The following SGK3 variants were observed in gnomAD, a reference collection of about 807,000 sequenced individuals.
SGK3 encodes the protein serine/threonine-protein kinase Sgk3.
In SGK3, 47 loss-of-function variants were observed where a neutral mutation model predicts 68.5. The observed-to-expected ratio is 0.69, with a 90% CI of 0.54 to 0.87. The LOEUF (loss-of-function observed/expected upper bound fraction) is 0.87. Among genes scored for constraint, SGK3 ranks in the 40% least tolerant of loss-of-function variants. SGK3 has a pLI of 0.00. For missense variants in SGK3, 479 were observed against 575.5 expected, an observed-to-expected ratio of 0.83 and a Z score of 1.72; for synonymous variants, 181 against 189.1, an observed-to-expected ratio of 0.96 and a Z score of 0.35.
intron 2 of SGK3, among the ~76,000 whole-genome samples, chr8:66,797,833 C>CA (rs915840795): frequency 9.2e-5 from 14 of 151,502 alleles, no homozygotes; most frequent in Admixed American, 5.3e-4. Flanking sequence ...TATTCTTTGG[C>CA]AAAAAAAATC....
At chr8:66,782,090 A>G (rs559686077) in intron 1 of SGK3, among the ~76,000 whole-genome samples, 4 of 152,350 alleles carry the variant, frequency 2.6e-5, no homozygotes, top group African/African-American at 9.6e-5. Flanking sequence ...TGGAGCTAGT[A>G]TCCTGAGAGG....
At chr8:66,736,180 C>T (rs1442716733) in intron 1 of SGK3, among the ~76,000 whole-genome samples, 1 of 152,100 alleles carries the variant, frequency 6.6e-6, no homozygotes, top group East Asian at 1.9e-4. Context: ...ATGTGACATA[C>T]CTCACAGGAT....
rs1563605886 is a variant in SGK3, at chr8:66,744,536, T to TTGTTTTG, written c.-122+31704_-122+31705insGTTTTGT. ...ATATATATATTTTTTTTTTTTTTTT[T>TTGTTTTG]TTTTTTTTTAGATGGAGTCTCACTC... is the stretch of plus-strand genomic sequence containing the variant. On this transcript the variant is annotated intron_variant, in intron 1 of 16. Transcript: ENST00000521198. 6.3e-3 allele frequency among the ~76,000 whole-genome samples: 767 copies of TTGTTTTG among 122,354 alleles called. 24 individuals are homozygous for TTGTTTTG. Among genetic ancestry groups the TTGTTTTG allele is most frequent in the African/African-American group, 0.023 (733 of 32,148 alleles). 80.3% of individuals were successfully genotyped at this position (122,354 alleles called of 152,430 possible). A position where few individuals can be genotyped will look rare whatever the true frequency, so the allele number is the denominator to read the frequency against.
chr8:66,721,987 A>C (rs1412574615), intron 1 of SGK3, among the ~76,000 whole-genome samples: 2 of 152,168 alleles, frequency 1.3e-5, no homozygotes, highest in African/African-American at 4.8e-5. Context: ...GTATCAGTAG[A>C]GATATACACT....
intron 5 of SGK3, among the ~76,000 whole-genome samples, chr8:66,817,207 C>T (rs372578834): frequency 2.0e-5 from 3 of 152,046 alleles, no homozygotes; most frequent in African/African-American, 4.8e-5. Context: ...CCGAGGCAGG[C>T]GGATCATGAG....
intron 1 of SGK3, among the ~76,000 whole-genome samples, chr8:66,758,011 T>TACACACAC (rs374764386): frequency 0.031 from 4,101 of 133,662 alleles, 88 homozygotes; most frequent in African/African-American, 0.058. Context: ...ACACACACAC[T>TACACACAC]ACACACACAC....
At chr8:66,831,603 T>G (rs940702304) in intron 8 of SGK3, among the ~76,000 whole-genome samples, 5 of 152,224 alleles carry the variant, frequency 3.3e-5, no homozygotes, top group African/African-American at 1.2e-4. Flanking sequence ...CCTCCCAAAG[T>G]GCTGGGATTA....
At chr8:66,771,817 G>A (rs1806520507) in intron 1 of SGK3, among the ~76,000 whole-genome samples, 1 of 151,964 alleles carries the variant, frequency 6.6e-6, no homozygotes, top group African/African-American at 2.4e-5. Flanking sequence ...GGGCAATGAG[G>A]TGAAGAAGAA....
At chr8:66,795,780 C>A (rs1807655672) in intron 2 of SGK3, among the ~76,000 whole-genome samples, 2 of 152,120 alleles carry the variant, frequency 1.3e-5, no homozygotes, top group South Asian at 4.1e-4. Context: ...ATTAGAGAGG[C>A]ATATTTTGAC....
chr8:66,845,927 T>A (rs1809993788), intron 14 of SGK3, among the ~76,000 whole-genome samples: 1 of 151,966 alleles, frequency 6.6e-6, no homozygotes, highest in Admixed American at 6.6e-5. Flanking sequence ...CTTTTGTAAT[T>A]TTCACAAAAA....
intron 16 of SGK3, among the ~76,000 whole-genome samples, chr8:66,858,321 C>T (rs1447756207): frequency 6.6e-6 from 1 of 151,886 alleles, no homozygotes; most frequent in African/African-American, 2.4e-5. Flanking sequence ...AAAAAATTAG[C>T]CGGGCATGGT....
intron 6 of SGK3, among the ~76,000 whole-genome samples, chr8:66,828,234 A>C (rs1009566582): frequency 6.6e-6 from 1 of 152,198 alleles, no homozygotes; most frequent in Non-Finnish European, 1.5e-5. Flanking sequence ...TGCAATCATC[A>C]TTGTCATCAT....
chr8:66,805,083 T>A (rs530855760), intron 4 of SGK3, among the ~76,000 whole-genome samples: 14 of 151,490 alleles, frequency 9.2e-5, no homozygotes, highest in East Asian at 2.0e-4. Flanking sequence ...TATTAAAAAA[T>A]TTTTTAATTG....
chr8:66,756,569 CTTTTTTTT>C (rs34499404), intron 1 of SGK3, among the ~76,000 whole-genome samples: 2 of 77,914 alleles, frequency 2.6e-5, no homozygotes, highest in African/African-American at 4.9e-5. Flanking sequence ...CATGCATCTA[CTTTTTTTT>C]TTTTTTTTTT....
At chr8:66,853,558 T>C (rs573628089) in intron 16 of SGK3, among the ~76,000 whole-genome samples, 2 of 152,332 alleles carry the variant, frequency 1.3e-5, no homozygotes, top group South Asian at 4.1e-4. Context: ...TGAATGTTTC[T>C]AGCAGTTACT....
At chr8:66,826,171 C>T (rs1329219800) in intron 6 of SGK3, among the ~76,000 whole-genome samples, 3 of 152,214 alleles carry the variant, frequency 2.0e-5, no homozygotes, top group African/African-American at 7.2e-5. Flanking sequence ...CGGGGTTTCA[C>T]CATATTGGCC....
chr8:66,798,727 A>C (rs1277476524), intron 3 of SGK3, 102 bp downstream of exon 3: 7 of 995,778 alleles, frequency 7.0e-6, no homozygotes, highest in Non-Finnish European at 8.6e-6. Context: ...TCATATGTTA[A>C]TATGTCAGAC....
intron 7 of SGK3, among the ~76,000 whole-genome samples, chr8:66,830,788 T>A (rs902293481): frequency 6.6e-6 from 1 of 152,246 alleles, no homozygotes; most frequent in Non-Finnish European, 1.5e-5. Context: ...ATTCTTAGCG[T>A]CTTTACTAGG....
chr8:66,842,262 C>T (rs2130727641), intron 13 of SGK3, among the ~76,000 whole-genome samples: 1 of 144,670 alleles, frequency 6.9e-6, no homozygotes, highest in East Asian at 2.0e-4. Flanking sequence ...GCTTTGTCAT[C>T]CAGGCTGGAG....
Sources: gnomAD v4.1 joint callset for allele counts (sites outside exome capture counted in the v4.1 genomes callset) on GRCh38, gnomAD v4.1.1 for gene constraint, MANE v1.5 for transcripts, NCBI Gene and HGNC (gene_info 2026-07-23, HGNC 2026-07-21) for gene names.